CGAS: variants seen among roughly 807,000 people sequenced by gnomAD.
CGAS encodes cyclic GMP-AMP synthase.
CGAS carries 31 observed loss-of-function variants against 34.0 expected under a neutral mutation model. The ratio of observed to expected loss-of-function variants is 0.91; its 90% CI spans 0.69 to 1.23. The LOEUF (loss-of-function observed/expected upper bound fraction) is 1.23, where lower values mean the gene tolerates loss of function less well. CGAS is among the 50% of genes most tolerant of loss of function. The pLI, the probability that CGAS is intolerant of heterozygous loss-of-function variation, is 0.00. For missense variants in CGAS, 597 were observed against 657.6 expected (o/e 0.91, Z 1.01); for synonymous variants, 266 against 260.0 (o/e 1.02, Z -0.22).
Position 73,440,423 on chromosome 6 carries a change from C to A in CGAS, c.900G>T (p.Arg300Ser). The change falls in exon 3 of 5, where the codon AGG becomes AGT. Residue 300 changes from arginine to serine, a missense_variant. Physicochemically the swap from Arg to Ser is moderately radical, Grantham distance 110. Around this residue, in one of 3 missense-constraint regions of CGAS, gnomAD observed 271 missense variants for 324.1 expected, o/e 0.84. Transcript: ENST00000370315. ...DIKDTDVIMK[R>S]KRGGSPAVTL... ...TTACAGCAGGGCTCCCTCCTCTTTT[C>A]CTCTTCATGATGACATCTGTATCTG... The A allele has an allele frequency of 6.2e-7, 1 of 1,613,588 alleles. No individual in the cohort carries two copies. The highest frequency in any genetic ancestry group is 2.2e-5 in the East Asian group (1 of 44,876).
intron 2 of CGAS, among the ~76,000 whole-genome samples, chr6:73,441,179 C>T (rs1770374343): frequency 6.6e-6 from 1 of 150,740 alleles, no homozygotes; most frequent in Admixed American, 6.6e-5. Flanking sequence ...ACTTCTGCCT[C>T]CCGGGTTCAA....
intron 3 of CGAS, among the ~76,000 whole-genome samples, chr6:73,437,844 G>T (rs969083550): frequency 3.9e-5 from 6 of 152,058 alleles, no homozygotes; most frequent in African/African-American, 1.4e-4. Flanking sequence ...GAGATGGGTG[G>T]ATCACCTGAA....
intron 3 of CGAS, among the ~76,000 whole-genome samples, chr6:73,431,790 G>A (rs1361078309): frequency 2.6e-5 from 4 of 152,086 alleles, no homozygotes; most frequent in Admixed American, 6.6e-5. Context: ...CAAGACAAGC[G>A]GAAATTTTAA....
intron 4 of CGAS, among the ~76,000 whole-genome samples, chr6:73,425,871 G>A (rs997032775): frequency 1.3e-5 from 2 of 152,204 alleles, no homozygotes; most frequent in African/African-American, 4.8e-5. Context: ...CTACTCTGCA[G>A]GCTGAGGCAC....
In CGAS at chr6:73,429,299, C is replaced by CA. The variant is rs529708000; in HGVS notation, c.1115-489dup. 1.9e-4 allele frequency among the ~76,000 whole-genome samples: 28 copies of CA among 149,828 alleles called. No homozygotes were observed. The South Asian group carries it at 4.9e-3, about 26-fold the overall frequency. ...ATGTATAAAAATAAGTACACTGAGACAAAAAATGGGCCTAACCGAAAAAAA... is the reference window on the plus strand; with the variant it reads ...ATGTATAAAAATAAGTACACTGAGACAAAAAAATGGGCCTAACCGAAAAAAA... On this transcript the variant is annotated intron_variant, in intron 3 of 4. Coordinates refer to ENST00000370315, the MANE Select transcript of CGAS (RefSeq NM_138441.3).
intron 1 of CGAS, among the ~76,000 whole-genome samples, chr6:73,447,410 A>G (rs1368074935): frequency 6.6e-6 from 1 of 152,056 alleles, no homozygotes. Flanking sequence ...CAGCCTCCCA[A>G]GTAGCTGGGA....
At position 73,425,476 on chromosome 6, in the gene CGAS, A is replaced by G. The variant is rs773087705; in HGVS notation, c.1320T>C (p.Thr440=). Residue 440 remains threonine (T), a synonymous_variant, in exon 5 of 5, where the codon ACT becomes ACC. Coordinates refer to ENST00000370315, the MANE Select transcript of CGAS (RefSeq NM_138441.3). Reference sequence around the variant, plus strand: ...TCTGGGTACATACGTGAAAGAAGGCAGTTTTCACATGATAAGAAGAGAATT... The same window carrying G: ...TCTGGGTACATACGTGAAAGAAGGCGGTTTTCACATGATAAGAAGAGAATT... The part of the protein sequence containing the change: ...LDKFSSYHVK[T]AFFHVCTQNP... The G allele has an allele frequency of 1.9e-6, 3 of 1,613,954 alleles. No homozygotes were observed. Among genetic ancestry groups the G allele is most frequent in the Non-Finnish European group, 2.5e-6 (3 of 1,179,986 alleles).
chr6:73,430,263 G>A (rs973264880), intron 3 of CGAS, among the ~76,000 whole-genome samples: 2 of 152,048 alleles, frequency 1.3e-5, no homozygotes, highest in Admixed American at 1.3e-4. Context: ...GAAAAACAGG[G>A]TTACACACTG....
At position 73,425,499 on chromosome 6, in the gene CGAS, A is replaced by G; in HGVS notation, c.1297T>C (p.Phe433Leu). The G allele has an allele frequency of 6.2e-7, 1 of 1,613,474 alleles. No homozygotes were observed. The highest frequency in any genetic ancestry group is 8.5e-7 in the Non-Finnish European group (1 of 1,179,848). ...GCAGTTTTCACATGATAAGAAGAGA[A>G]TTTATCCAGATGTTTTTTGTCTTTA... The part of the protein sequence containing the change: ...RFKDKKHLDK[F>L]SSYHVKTAFF... The change falls in exon 5 of 5, where the codon TTC (phenylalanine) becomes CTC (leucine). Residue 433 changes from phenylalanine (F) to leucine (L), a missense_variant. Coordinates refer to ENST00000370315, the MANE Select transcript of CGAS (RefSeq NM_138441.3).
intron 1 of CGAS, among the ~76,000 whole-genome samples, chr6:73,450,931 A>G (rs1240185527): frequency 6.7e-6 from 1 of 149,198 alleles, no homozygotes; most frequent in Non-Finnish European, 1.5e-5. Flanking sequence ...CGGAGCTTGC[A>G]GTGAGCCGAG....
chr6:73,448,333 C>T (rs959915601), intron 1 of CGAS, among the ~76,000 whole-genome samples: 2 of 152,076 alleles, frequency 1.3e-5, no homozygotes, highest in African/African-American at 4.8e-5. Context: ...GCAGAGGTTG[C>T]AGTGAGCTGA....
intron 4 of CGAS, among the ~76,000 whole-genome samples, chr6:73,425,843 G>A (rs759299273): frequency 6.6e-6 from 1 of 151,864 alleles, no homozygotes; most frequent in Non-Finnish European, 1.5e-5. Flanking sequence ...GCGTGGTGGC[G>A]CACGCCTGTA....
intron 3 of CGAS, among the ~76,000 whole-genome samples, chr6:73,431,412 A>G (rs1015267122): frequency 3.3e-5 from 5 of 152,140 alleles, no homozygotes; most frequent in Non-Finnish European, 5.9e-5. Flanking sequence ...CGCAGGTTGC[A>G]GTGAGCCAAG....
chr6:73,445,145 G>A (rs570876690), intron 2 of CGAS, among the ~76,000 whole-genome samples: 1 of 152,072 alleles, frequency 6.6e-6, no homozygotes, highest in African/African-American at 2.4e-5. Flanking sequence ...TCATCATATA[G>A]GTGGCATTGG....
chr6:73,451,748 C>G lies in CGAS; in HGVS notation c.434G>C (p.Gly145Ala). Reference sequence around the variant, plus strand: ...GAGAATGGGGGCCGAGACCGGCAGGCCGGGGCTGGGCACGTCCCAGGGCCC... The same window carrying G: ...GAGAATGGGGGCCGAGACCGGCAGGGCGGGGCTGGGCACGTCCCAGGGCCC... ...PPGPWDVPSP[G>A]LPVSAPILVR... is the part of the protein sequence containing the mutation. Residue 145 changes from glycine to alanine, a missense_variant, in exon 1 of 5, where the codon GGC becomes GCC. Coordinates refer to ENST00000370315, the MANE Select transcript of CGAS (RefSeq NM_138441.3). The G allele has an allele frequency of 1.2e-6, 2 of 1,610,368 alleles. No homozygotes were observed. Among genetic ancestry groups the G allele is most frequent in the Non-Finnish European group, 1.7e-6 (2 of 1,178,746 alleles).
intron 3 of CGAS, among the ~76,000 whole-genome samples, chr6:73,436,313 G>C (rs946394533): frequency 1.5e-4 from 22 of 150,750 alleles, no homozygotes; most frequent in African/African-American, 5.3e-4. Context: ...ACTTTATCCA[G>C]ATTTCCTTAG....
At chr6:73,441,581 G>T (rs910589634) in intron 2 of CGAS, among the ~76,000 whole-genome samples, 31 of 152,122 alleles carry the variant, frequency 2.0e-4, no homozygotes, top group African/African-American at 7.0e-4. Flanking sequence ...GAATAAGCAG[G>T]AAGAAGAAAG....
intron 4 of CGAS, among the ~76,000 whole-genome samples, chr6:73,426,349 GAT>G (rs1770087725): frequency 2.0e-5 from 3 of 148,906 alleles, no homozygotes; most frequent in East Asian, 2.0e-4. Flanking sequence ...GAAATGAAAT[GAT>G]AAAATAAAAT....
intron 1 of CGAS, among the ~76,000 whole-genome samples, chr6:73,451,065 G>T (rs1329341087): frequency 6.6e-6 from 1 of 151,950 alleles, no homozygotes; most frequent in Non-Finnish European, 1.5e-5. Context: ...AGGAGAGGGG[G>T]CAGGGAGGAA....
Sources: allele counts gnomAD v4.1 joint callset (sites outside exome capture counted in the v4.1 genomes callset), GRCh38; gene constraint gnomAD v4.1.1; regional missense constraint gnomAD v4.1.1; transcripts MANE v1.5; gene names NCBI Gene and HGNC (gene_info 2026-07-23, HGNC 2026-07-21).